SPAG17: variants seen among roughly 807,000 people sequenced by gnomAD.
SPAG17 encodes the protein sperm-associated antigen 17.
A neutral mutation model predicts 273.6 loss-of-function variants in SPAG17; 169 were observed. That is an observed-to-expected ratio of 0.62 (90% CI 0.55 to 0.70). SPAG17 has a LOEUF of 0.70. Among genes scored for constraint, SPAG17 ranks in the 30% least tolerant of loss-of-function variants. The pLI is 0.00. For missense variants in SPAG17, 2,557 were observed against 2,627.8 expected (o/e 0.97, Z 0.59); for synonymous variants, 825 against 873.2 (o/e 0.94, Z 0.97).
intron 3 of SPAG17, among the ~76,000 whole-genome samples, chr1:118,138,689 G>A (rs561435805): frequency 6.6e-6 from 1 of 152,188 alleles, no homozygotes; most frequent in African/African-American, 2.4e-5. Flanking sequence ...ACCCAGGAAA[G>A]CACCAGCAAT....
chr1:117,977,861 G>A (rs866249894), intron 43 of SPAG17, among the ~76,000 whole-genome samples: 1 of 152,030 alleles, frequency 6.6e-6, no homozygotes, highest in Non-Finnish European at 1.5e-5. Context: ...TTATTCACTG[G>A]TGATTTTAAC....
intron 18 of SPAG17, among the ~76,000 whole-genome samples, chr1:118,060,517 AT>A (rs1652173691): frequency 6.6e-6 from 1 of 152,146 alleles, no homozygotes; most frequent in African/African-American, 2.4e-5. Context: ...ATTTTAATAC[AT>A]TTGTCTTTTA....
At position 118,086,787 on chromosome 1, in the gene SPAG17, A is replaced by G; in HGVS notation, c.1498-3T>C. ...GATAAAAATATGTCATGAAGATTCTATGCAAATTGAAACAATATTGATTTA... is the reference window on the plus strand; with the variant it reads ...GATAAAAATATGTCATGAAGATTCTGTGCAAATTGAAACAATATTGATTTA... On this transcript the variant is annotated splice_region_variant and splice_polypyrimidine_tract_variant and intron_variant, in intron 11 of 48. Coordinates refer to ENST00000336338, the MANE Select transcript of SPAG17 (RefSeq NM_206996.4). 2.5e-6 allele frequency: 4 copies of G among 1,614,100 alleles called. No homozygotes were observed. Among genetic ancestry groups the G allele is most frequent in the Non-Finnish European group, 3.4e-6 (4 of 1,179,964 alleles).
rs751885199 is a variant in SPAG17, at chr1:117,970,055, C to T, written c.6387+1G>A. ...CACAACAGATGACATATAGGACTTA[C>T]AGGTCCAGGTTTGTAAGTCACTTTC... On this transcript the variant is annotated splice_donor_variant, in intron 46 of 48. Transcript: ENST00000336338. LOFTEE classifies it high-confidence loss of function. 1 of 1,613,540 alleles carries T rather than the reference C, an allele frequency of 6.2e-7. No homozygotes were observed.
At chr1:118,010,535 C>T (rs181583281) in intron 30 of SPAG17, among the ~76,000 whole-genome samples, 60 of 152,282 alleles carry the variant, frequency 3.9e-4, no homozygotes, top group African/African-American at 1.1e-3. Context: ...AACTGCACCC[C>T]TTCCTTACAC....
At chr1:117,996,221 G>GACATGACTTAT in intron 34 of SPAG17, 149 bp downstream of exon 34, 1 of 840,018 alleles carries the variant, frequency 1.2e-6, no homozygotes, top group Non-Finnish European at 1.8e-6. Flanking sequence ...ACTTATTCAT[G>GACATGACTTAT]TCAACTTATT....
intron 1 of SPAG17, among the ~76,000 whole-genome samples, chr1:118,152,041 T>C (rs2840324): frequency 0.014 from 2,088 of 152,280 alleles, 22 homozygotes; most frequent in Middle Eastern, 0.024. Flanking sequence ...AGATTAAGAG[T>C]GGCGCTCACT....
intron 48 of SPAG17, among the ~76,000 whole-genome samples, chr1:117,955,880 A>G (rs1020340356): frequency 1.1e-4 from 17 of 151,996 alleles, no homozygotes; most frequent in African/African-American, 3.1e-4. Flanking sequence ...GTTTACACAT[A>G]TATCTTTGTC....
At chr1:118,116,197 C>G (rs1163119982) in intron 3 of SPAG17, among the ~76,000 whole-genome samples, 1 of 152,124 alleles carries the variant, frequency 6.6e-6, no homozygotes, top group Non-Finnish European at 1.5e-5. Context: ...GCCCTATAAC[C>G]ACTTTATTTA....
intron 3 of SPAG17, among the ~76,000 whole-genome samples, chr1:118,126,024 C>T (rs1657700022): frequency 6.9e-6 from 1 of 145,288 alleles, no homozygotes; most frequent in Admixed American, 7.3e-5. Flanking sequence ...AGCATCCTCA[C>T]CAGCCTCTGT....
intron 3 of SPAG17, among the ~76,000 whole-genome samples, chr1:118,146,478 T>C (rs1359191765): frequency 6.6e-6 from 1 of 152,232 alleles, no homozygotes; most frequent in Non-Finnish European, 1.5e-5. Flanking sequence ...TGTTTCCTCA[T>C]AGATTTCCAT....
chr1:118,024,721 T>C (rs1237151964), intron 27 of SPAG17, among the ~76,000 whole-genome samples: 1 of 152,170 alleles, frequency 6.6e-6, no homozygotes, highest in Non-Finnish European at 1.5e-5. Context: ...CCTGGGGAAC[T>C]ACCCTCATTT....
intron 32 of SPAG17, among the ~76,000 whole-genome samples, chr1:118,001,695 T>C (rs1286505120): frequency 6.6e-6 from 1 of 152,184 alleles, no homozygotes; most frequent in Non-Finnish European, 1.5e-5. Flanking sequence ...ATTGTGTCTA[T>C]TTGATTCTTC....
At chr1:117,962,437 A>C (rs1653225501) in intron 48 of SPAG17, 1 of 152,138 alleles carries the variant, frequency 6.6e-6, no homozygotes, top group Non-Finnish European at 1.5e-5. Flanking sequence ...TTGTGAAGTA[A>C]GTTACCTATA....
chr1:118,064,121 C>T (rs1652674764), intron 18 of SPAG17, among the ~76,000 whole-genome samples: 1 of 152,158 alleles, frequency 6.6e-6, no homozygotes, highest in Non-Finnish European at 1.5e-5. Flanking sequence ...AATAGGAACA[C>T]TTTTACACTG....
intron 1 of SPAG17, among the ~76,000 whole-genome samples, chr1:118,183,530 A>T (rs1291801815): frequency 6.6e-6 from 1 of 152,226 alleles, no homozygotes; most frequent in East Asian, 1.9e-4. Context: ...TTTATAGTTA[A>T]AACTACATAT....
intron 31 of SPAG17, among the ~76,000 whole-genome samples, chr1:118,007,578 C>T (rs952279291): frequency 6.6e-6 from 1 of 152,176 alleles, no homozygotes; most frequent in Non-Finnish European, 1.5e-5. Context: ...AGGAGAACTG[C>T]CCTCCAGGGA....
chr1:117,987,898 G>A lies in SPAG17; in HGVS notation c.5622-17C>T. 1.2e-6 allele frequency: 2 copies of A among 1,613,568 alleles called. No individual in the cohort carries two copies. Among genetic ancestry groups the A allele is most frequent in the Non-Finnish European group, 8.5e-7 (1 of 1,179,754 alleles). ...GCTGTGTGTCTATGTGAAAGGAAAGGAAAGTATGGTGAAAAGGGGCAATGA... is the reference window on the plus strand; with the variant it reads ...GCTGTGTGTCTATGTGAAAGGAAAGAAAAGTATGGTGAAAAGGGGCAATGA... On this transcript the variant is annotated splice_polypyrimidine_tract_variant and intron_variant, in intron 39 of 48. Transcript: ENST00000336338.
At chr1:118,063,284 T>TG (rs1652553278) in intron 18 of SPAG17, among the ~76,000 whole-genome samples, 1 of 152,124 alleles carries the variant, frequency 6.6e-6, no homozygotes, top group East Asian at 1.9e-4. Flanking sequence ...CAAGTCAATC[T>TG]TCAGCCAAAA....
Sources: gnomAD v4.1 joint callset for allele counts (sites outside exome capture counted in the v4.1 genomes callset) on GRCh38, gnomAD v4.1.1 for gene constraint, MANE v1.5 for transcripts, NCBI Gene and HGNC (gene_info 2026-07-23, HGNC 2026-07-21) for gene names.